The following SBF2 variants were observed in gnomAD, a reference collection of about 807,000 sequenced individuals.
SBF2 encodes the protein SET binding factor 2, also known as myotubularin-related protein 13.
Under a neutral mutation model 225.2 loss-of-function variants are expected in SBF2, and 112 were observed. That is an observed-to-expected ratio of 0.50 (90% CI 0.43 to 0.58). SBF2 has a LOEUF of 0.58. Ranked by LOEUF, SBF2 falls within the 20% of genes least tolerant of loss-of-function variation. The pLI, the probability that SBF2 is intolerant of heterozygous loss-of-function variation, is 0.00. For missense variants in SBF2, 1,996 were observed against 2,206.2 expected, an observed-to-expected ratio of 0.90 and a Z score of 1.91; for synonymous variants, 763 against 773.3, an observed-to-expected ratio of 0.99 and a Z score of 0.22.
intron 13 of SBF2, among the ~76,000 whole-genome samples, chr11:9,969,136 CA>C (rs1450261381): frequency 6.6e-6 from 1 of 152,098 alleles, no homozygotes; most frequent in East Asian, 1.9e-4. Context: ...TTATTTTTTC[CA>C]ATCATTTAGA....
At chr11:10,085,150 C>A (rs1353189868) in intron 2 of SBF2, among the ~76,000 whole-genome samples, 2 of 152,166 alleles carry the variant, frequency 1.3e-5, no homozygotes, top group Non-Finnish European at 2.9e-5. Context: ...GATTAAGAAA[C>A]AATTTGAAAA....
chr11:10,030,666 A>T (rs2134634786), intron 4 of SBF2, among the ~76,000 whole-genome samples: 1 of 152,320 alleles, frequency 6.6e-6, no homozygotes, highest in South Asian at 2.1e-4. Flanking sequence ...TTGAAATCTC[A>T]AACACCCACC....
At chr11:9,880,084 TAAAAA>T (rs58140393) in intron 17 of SBF2, among the ~76,000 whole-genome samples, 1 of 51,994 alleles carries the variant, frequency 1.9e-5, no homozygotes, top group Non-Finnish European at 3.5e-5. Context: ...CTCTGTCTCA[TAAAAA>T]AAAAAAAAAA....
chr11:10,031,417 A>T (rs1590798579), intron 3 of SBF2, among the ~76,000 whole-genome samples: 1 of 152,230 alleles, frequency 6.6e-6, no homozygotes, highest in Non-Finnish European at 1.5e-5. Flanking sequence ...CATATAACAC[A>T]ACTTTATTTG....
At chr11:9,806,610 G>A (rs1195206261) in intron 32 of SBF2, among the ~76,000 whole-genome samples, 1 of 152,178 alleles carries the variant, frequency 6.6e-6, no homozygotes, top group Admixed American at 6.5e-5. Context: ...TTGCTGCAAA[G>A]AGTTTAAAGG....
chr11:10,119,707 G>A (rs1233208969), intron 2 of SBF2, among the ~76,000 whole-genome samples: 2 of 152,112 alleles, frequency 1.3e-5, no homozygotes, highest in Non-Finnish European at 2.9e-5. Flanking sequence ...ACCAAAGAAT[G>A]TTTAATCTCC....
chr11:10,085,299 C>T (rs1951520160), intron 2 of SBF2, among the ~76,000 whole-genome samples: 1 of 152,158 alleles, frequency 6.6e-6, no homozygotes, highest in Non-Finnish European at 1.5e-5. Context: ...ATGAATATTA[C>T]AGCCTTTCAA....
At position 9,968,552 on chromosome 11, in the gene SBF2, T is replaced by C; in HGVS notation, c.1396-7A>G. The C allele has an allele frequency of 6.2e-7, 1 of 1,608,204 alleles. No individual in the cohort carries two copies. The highest frequency in any genetic ancestry group is 8.5e-7 in the Non-Finnish European group (1 of 1,174,584). On this transcript the variant is annotated splice_region_variant and splice_polypyrimidine_tract_variant and intron_variant, in intron 13 of 39. Transcript: ENST00000256190. The stretch of plus-strand genomic sequence containing the variant: ...TATGAGGATTTGGATTCTCCTGTAA[T>C]ATCAGACATAGGTAAAATTACTCCA...
At chr11:9,960,706 C>T (rs889015990) in intron 16 of SBF2, 7 of 152,078 alleles carry the variant, frequency 4.6e-5, no homozygotes, top group African/African-American at 9.7e-5. Context: ...GCTCTTTCAC[C>T]CAGGCTGGAG....
At chr11:10,043,527 A>G (rs553847587) in intron 2 of SBF2, among the ~76,000 whole-genome samples, 3 of 152,320 alleles carry the variant, frequency 2.0e-5, no homozygotes, top group African/African-American at 7.2e-5. Context: ...CTAGAAATCA[A>G]TAACAGGCAG....
chr11:9,800,552 GC>G lies in SBF2; in HGVS notation c.4444-4596del, dbSNP rs527478101. 7.2e-3 allele frequency among the ~76,000 whole-genome samples: 1,099 copies of G among 151,822 alleles called. 13 individuals carry two copies. The highest frequency in any genetic ancestry group is 0.025 in the African/African-American group (1,038 of 41,396). ...CTCCCGAGTAGCTGGGACTACAGGC[GC>G]CTGCCACCACGCCCAGCTAATTTTT... On this transcript the variant is annotated intron_variant, in intron 32 of 39. Coordinates refer to ENST00000256190, the MANE Select transcript of SBF2 (RefSeq NM_030962.4).
intron 16 of SBF2, among the ~76,000 whole-genome samples, chr11:9,944,481 C>CTCGT (rs1367221386): frequency 6.6e-6 from 1 of 152,218 alleles, no homozygotes; most frequent in African/African-American, 2.4e-5. Flanking sequence ...GGTTTACACA[C>CTCGT]TCGTGTTTGA....
intron 39 of SBF2, 43 bp from the exon 40 acceptor site, chr11:9,780,559 C>T: frequency 6.5e-7 from 1 of 1,538,318 alleles, no homozygotes; most frequent in Non-Finnish European, 9.0e-7. Flanking sequence ...AAGGGCAGGG[C>T]TGTTTTATGG....
chr11:9,968,251 G>C (rs1484973722), intron 14 of SBF2, 90 bp downstream of exon 14: 1 of 1,171,736 alleles, frequency 8.5e-7, no homozygotes, highest in Non-Finnish European at 1.3e-6. Context: ...TGTTCACTTT[G>C]TGAAAATTCA....
At chr11:9,996,418 C>T (rs777345602) in intron 9 of SBF2, among the ~76,000 whole-genome samples, 2 of 152,090 alleles carry the variant, frequency 1.3e-5, no homozygotes, top group South Asian at 2.1e-4. Flanking sequence ...GAGATGGAGT[C>T]GAGCTCTGTC....
At chr11:9,828,597 T>G (rs1855201946) in intron 28 of SBF2, 2 of 985,210 alleles carry the variant, frequency 2.0e-6, no homozygotes, top group Admixed American at 6.1e-5. Context: ...TAGGGTTACC[T>G]CTACATGAAC....
intron 2 of SBF2, among the ~76,000 whole-genome samples, chr11:10,091,083 T>C (rs1311762340): frequency 1.3e-5 from 2 of 152,192 alleles, no homozygotes; most frequent in African/African-American, 4.8e-5. Flanking sequence ...ATACTCAAGA[T>C]ACTATGCTAA....
At chr11:9,830,537 C>G (rs1350268327) in intron 27 of SBF2, among the ~76,000 whole-genome samples, 1 of 151,904 alleles carries the variant, frequency 6.6e-6, no homozygotes, top group South Asian at 2.1e-4. Context: ...GTCAGGAGTT[C>G]GAGACCAGCC....
At chr11:10,124,655 C>T (rs935624393) in intron 2 of SBF2, among the ~76,000 whole-genome samples, 1 of 152,058 alleles carries the variant, frequency 6.6e-6, no homozygotes, top group Non-Finnish European at 1.5e-5. Context: ...GTGAAAATTT[C>T]CTGACATTTA....
Sources: allele counts gnomAD v4.1 joint callset (sites outside exome capture counted in the v4.1 genomes callset), GRCh38; gene constraint gnomAD v4.1.1; transcripts MANE v1.5; gene names NCBI Gene and HGNC (gene_info 2026-07-23, HGNC 2026-07-21).